GLIS3: variants seen among roughly 807,000 people sequenced by gnomAD.
GLIS3 encodes the protein zinc finger protein GLIS3.
Under a neutral mutation model 78.6 loss-of-function variants are expected in GLIS3, and 53 were observed. That is an observed-to-expected ratio of 0.67 (90% CI 0.54 to 0.85). GLIS3 has a LOEUF of 0.85. Ranked by LOEUF, GLIS3 falls within the 40% of genes least tolerant of loss-of-function variation. The pLI is 0.00. For synonymous variants in GLIS3, 684 were observed against 509.9 expected, an observed-to-expected ratio of 1.34 and a Z score of -4.60; for missense variants, 1,703 against 1,231.1, an observed-to-expected ratio of 1.38 and a Z score of -5.74.
At chr9:4,345,828 G>C (rs1285228405) in intron 2 of GLIS3, among the ~76,000 whole-genome samples, 1 of 152,226 alleles carries the variant, frequency 6.6e-6, no homozygotes, top group Non-Finnish European at 1.5e-5. Flanking sequence ...ATTTGGGGAA[G>C]TGGGGAGTAA....
the GLIS3 span, among the ~76,000 whole-genome samples, chr9:4,379,314 A>C: frequency 6.6e-6 from 1 of 152,236 alleles, no homozygotes; most frequent in African/African-American, 2.4e-5. Flanking sequence ...TACTGAGGTT[A>C]ATAGGGGTTT....
the GLIS3 span, among the ~76,000 whole-genome samples, chr9:4,436,378 T>TA: frequency 8.8e-3 from 1,347 of 152,312 alleles, 20 homozygotes; most frequent in African/African-American, 0.031. Flanking sequence ...GATAAAATTG[T>TA]AACACGATAA....
chr9:4,084,925 G>A (rs1271441964), intron 4 of GLIS3, among the ~76,000 whole-genome samples: 1 of 151,524 alleles, frequency 6.6e-6, no homozygotes, highest in Non-Finnish European at 1.5e-5. Context: ...TCAAAAAGAC[G>A]CAGATAAGGG....
chr9:4,332,168 A>G (rs1817696738), intron 2 of GLIS3, among the ~76,000 whole-genome samples: 1 of 152,168 alleles, frequency 6.6e-6, no homozygotes, highest in Non-Finnish European at 1.5e-5. Flanking sequence ...AATTTCTTGA[A>G]GTGGAAATCC....
intron 4 of GLIS3, among the ~76,000 whole-genome samples, chr9:3,953,795 C>CTATATATATATATATATATATA (rs57500093): frequency 5.5e-5 from 4 of 73,344 alleles, no homozygotes; most frequent in African/African-American, 2.3e-4. Context: ...CTCTCTCTCT[C>CTATATATATATATATATATATA]TATATATATA....
the GLIS3 span, among the ~76,000 whole-genome samples, chr9:4,476,543 G>A: frequency 6.6e-6 from 1 of 151,802 alleles, no homozygotes; most frequent in Non-Finnish European, 1.5e-5. Flanking sequence ...TGCATTTTTA[G>A]TAAGGATGGG....
the GLIS3 span, among the ~76,000 whole-genome samples, chr9:4,417,609 G>T: frequency 1.3e-5 from 2 of 152,146 alleles, no homozygotes; most frequent in Non-Finnish European, 2.9e-5. Context: ...TGGGGCCCTT[G>T]TGTAAATACA....
intron 4 of GLIS3, among the ~76,000 whole-genome samples, chr9:4,101,215 A>G (rs1830346796): frequency 6.6e-6 from 1 of 152,174 alleles, no homozygotes; most frequent in South Asian, 2.1e-4. Context: ...CATCTTTTCT[A>G]CTGCAACGGA....
chr9:3,872,460 T>TA (rs1374215765), intron 8 of GLIS3, among the ~76,000 whole-genome samples: 8 of 152,254 alleles, frequency 5.3e-5, no homozygotes, highest in Non-Finnish European at 1.2e-4. Context: ...TAATTGGACT[T>TA]ACATGTGGTT....
At chr9:4,301,927 T>C (rs1054239562), upstream of GLIS3, among the ~76,000 whole-genome samples, 1 of 152,184 alleles carries the variant, frequency 6.6e-6, no homozygotes, top group Non-Finnish European at 1.5e-5. Context: ...GTGATTTTCA[T>C]GAACCTCTAA....
the GLIS3 span, among the ~76,000 whole-genome samples, chr9:4,390,558 G>A: frequency 3.3e-5 from 5 of 152,164 alleles, no homozygotes; most frequent in East Asian, 1.9e-4. Context: ...TAAACTGCAA[G>A]TAGGGTTTAT....
chr9:3,845,607 A>G (rs924241794), intron 9 of GLIS3, among the ~76,000 whole-genome samples: 9 of 152,238 alleles, frequency 5.9e-5, no homozygotes, highest in African/African-American at 2.2e-4. Flanking sequence ...GGACTGTGCT[A>G]AAAGCCCAGG....
At chr9:3,878,177 A>G (rs1821451124) in intron 8 of GLIS3, among the ~76,000 whole-genome samples, 1 of 151,752 alleles carries the variant, frequency 6.6e-6, no homozygotes, top group African/African-American at 2.4e-5. Flanking sequence ...TGCCTACATC[A>G]CTGTGTCTTT....
intron 4 of GLIS3, among the ~76,000 whole-genome samples, chr9:4,078,522 A>C (rs959644661): frequency 2.0e-5 from 3 of 152,212 alleles, no homozygotes; most frequent in African/African-American, 7.2e-5. Context: ...CTCAAGCAAA[A>C]CACAGGAACC....
intron 4 of GLIS3, among the ~76,000 whole-genome samples, chr9:4,070,357 T>C (rs538152920): frequency 6.6e-6 from 1 of 152,328 alleles, no homozygotes; most frequent in South Asian, 2.1e-4. Context: ...AAAGACTGCT[T>C]ACTGGGAAGT....
chr9:4,457,429 G>C, the GLIS3 span, among the ~76,000 whole-genome samples: 3 of 151,994 alleles, frequency 2.0e-5, no homozygotes, highest in African/African-American at 7.3e-5. Context: ...CCCTCTGGAA[G>C]GAGGAAAAGA....
intron 4 of GLIS3, among the ~76,000 whole-genome samples, chr9:3,989,089 T>C (rs1431093106): frequency 7.3e-5 from 11 of 151,572 alleles, no homozygotes; most frequent in Non-Finnish European, 1.5e-4. Flanking sequence ...AAATAGAAAA[T>C]GGGAAAAGAT....
At chr9:4,092,813 T>G (rs974235431) in intron 4 of GLIS3, among the ~76,000 whole-genome samples, 3 of 152,240 alleles carry the variant, frequency 2.0e-5, no homozygotes, top group Admixed American at 6.5e-5. Flanking sequence ...ATAAAACGTA[T>G]AGTATAGTAA....
intron 4 of GLIS3, among the ~76,000 whole-genome samples, chr9:4,100,866 C>G (rs748527814): frequency 6.6e-6 from 1 of 152,174 alleles, no homozygotes; most frequent in Non-Finnish European, 1.5e-5. Context: ...TCTACGTAAT[C>G]TATGTGCATG....
Sources: allele counts gnomAD v4.1 joint callset (sites outside exome capture counted in the v4.1 genomes callset), GRCh38; gene constraint gnomAD v4.1.1; transcripts MANE v1.5; gene names NCBI Gene and HGNC (gene_info 2026-07-23, HGNC 2026-07-21).